The following SLC17A7 variants were observed in gnomAD, a reference collection of about 807,000 sequenced individuals.
The protein encoded by SLC17A7 is vesicular glutamate transporter 1.
In SLC17A7, 15 loss-of-function variants were observed where a neutral mutation model predicts 59.1. That is an observed-to-expected ratio of 0.25 (90% CI 0.17 to 0.39). The LOEUF (loss-of-function observed/expected upper bound fraction) is 0.39. SLC17A7 is among the 10% of genes least tolerant of loss of function. The probability of loss-of-function intolerance (pLI) is 1.00; values close to 1 mark genes in which losing one functional copy is unlikely to be tolerated. For missense variants in SLC17A7, 499 were observed against 765.1 expected (o/e 0.65, Z 4.10); for synonymous variants, 353 against 308.9 (o/e 1.14, Z -1.50).
intron 5 of SLC17A7, 67 bp downstream of exon 5, chr19:49,434,530 CTCAGA>C: frequency 8.3e-6 from 12 of 1,439,106 alleles, no homozygotes; most frequent in South Asian, 1.3e-5. Context: ...CCCCTCCCCG[CTCAGA>C]CCCAACAGTC....
At chr19:49,438,494 G>A (rs573463390) in intron 1 of SLC17A7, among the ~76,000 whole-genome samples, 3 of 152,138 alleles carry the variant, frequency 2.0e-5, no homozygotes, top group East Asian at 1.9e-4. Context: ...ACAGCCAGAC[G>A]GTCCAGGGGG....
chr19:49,438,791 C>T (rs1163892225), intron 1 of SLC17A7, among the ~76,000 whole-genome samples: 1 of 152,048 alleles, frequency 6.6e-6, no homozygotes, highest in Non-Finnish European at 1.5e-5. Context: ...GATATTTGAC[C>T]CTGAAACTCA....
At position 49,441,337 on chromosome 19, in the gene SLC17A7, C is replaced by T; in HGVS notation, c.43G>A (p.Ala15Thr). ...GCTCACCGGTGCAGCTTCCCGAGAG[C>T]ACGACCCGCTAGCTTCCGAAACTCC... ...QEEFRKLAGRALGKLHRLLEK... is the reference protein window; with the variant it reads ...QEEFRKLAGRTLGKLHRLLEK... The change falls in exon 1 of 12, where the codon GCT (alanine) becomes ACT (threonine). Residue 15 changes from alanine to threonine, a missense_variant. Ala to Thr is a moderately conservative substitution (Grantham distance 58, BLOSUM62 0). Around this residue, in one of 3 missense-constraint regions of SLC17A7, gnomAD observed 78 missense variants for 80.4 expected, o/e 0.97. Transcript: ENST00000221485. 5 of 1,609,960 alleles carry T rather than the reference C, an allele frequency of 3.1e-6. No individual in the cohort carries two copies. The highest frequency in any genetic ancestry group is 4.2e-6 in the Non-Finnish European group (5 of 1,178,976).
chr19:49,431,559 C>T lies in SLC17A7; in HGVS notation c.1151-111G>A, dbSNP rs1568633724. 2.4e-6 allele frequency: 2 copies of T among 831,926 alleles called. No individual in the cohort carries two copies. The highest frequency in any genetic ancestry group is 2.7e-5 in the East Asian group (1 of 37,560). The allele number at this position is 831,926 out of a possible 1,614,324, so 51.5% of individuals were successfully genotyped here. On this transcript the variant is annotated intron_variant, in intron 9 of 11. Transcript: ENST00000221485. This position sits in a 1 kb window ranked among gnomAD's most constrained non-coding sequence, Gnocchi z 4.6. ...CCAGCCCCAAACCGCGTCTATCCAC[C>T]CCAGTCTGGCCACCTCCACGCCCAG...
chr19:49,439,334 A>G (rs1600990319), intron 1 of SLC17A7, among the ~76,000 whole-genome samples: 1 of 152,084 alleles, frequency 6.6e-6, no homozygotes, highest in African/African-American at 2.4e-5. Context: ...CAAGAACAGC[A>G]ATGGGACCTG....
Position 49,431,092 on chromosome 19 carries a change from T to C in SLC17A7, c.1312A>G (p.Met438Val), listed in dbSNP as rs775630264. Residue 438 changes from methionine (M) to valine (V), a missense_variant, in exon 11 of 12, where the codon ATG (methionine) becomes GTG (valine). Physicochemically the swap from Met to Val is conservative, Grantham distance 21. This residue lies in a region of SLC17A7 where 323 missense variants were observed against 607.2 expected (regional missense o/e 0.53). Coordinates refer to ENST00000221485, the MANE Select transcript of SLC17A7 (RefSeq NM_020309.4). The surrounding 1 kb of genome is among the most constrained non-coding windows in gnomAD (Gnocchi z 4.6). ...DIAPRYASIL[M>V]GISNGVGTLS... ...GTGCCCACGCCGTTGGAGATGCCCA[T>C]GAGGATGCTGGCGTAGCGCGGGGCT... 1 of 1,613,904 alleles carries C rather than the reference T, an allele frequency of 6.2e-7. No individual in the cohort carries two copies. The highest frequency in any genetic ancestry group is 8.5e-7 in the Non-Finnish European group (1 of 1,179,992).
Position 49,430,704 on chromosome 19 carries a change from G to C in SLC17A7, c.1498C>G (p.Pro500Ala). The C allele has an allele frequency of 6.2e-7, 1 of 1,614,124 alleles. No homozygotes were observed. The highest frequency in any genetic ancestry group is 8.5e-7 in the Non-Finnish European group (1 of 1,180,016). ...ASGEKQPWAE[P>A]EEMSEEKCGF... ...CACTTCTCCTCGCTCATCTCCTCAG[G>C]CTCTGCCCACGGCTGCTTCTCTCCA... is the stretch of plus-strand genomic sequence containing the variant. Residue 500 changes from proline to alanine, a missense_variant, in exon 12 of 12, where the codon CCT (proline) becomes GCT (alanine). Transcript: ENST00000221485.
In SLC17A7 at chr19:49,429,612, T is replaced by G; in HGVS notation, c.*907A>C. Reference sequence around the variant, plus strand: ...GAGGGGAAGGATCCCAGATTTTGAGTCATTAAGCCCCTGAGGGACACAACA... The same window carrying G: ...GAGGGGAAGGATCCCAGATTTTGAGGCATTAAGCCCCTGAGGGACACAACA... On this transcript the variant is annotated 3_prime_UTR_variant, in exon 12 of 12. Coordinates refer to ENST00000221485, the MANE Select transcript of SLC17A7 (RefSeq NM_020309.4). 2.5e-6 allele frequency: 1 copy of G among 398,646 alleles called. No homozygotes were observed. Among genetic ancestry groups the G allele is most frequent in the Non-Finnish European group, 4.4e-6 (1 of 225,978 alleles). The allele number at this position is 398,646 out of a possible 1,614,324, so 24.7% of individuals were successfully genotyped here. A position where few individuals can be genotyped will look rare whatever the true frequency, so the allele number is the denominator to read the frequency against.
intron 11 of SLC17A7, 92 bp downstream of exon 11, chr19:49,430,923 G>A: frequency 1.3e-6 from 2 of 1,552,850 alleles, no homozygotes; most frequent in Non-Finnish European, 1.7e-6. Flanking sequence ...TGAAAAGGCA[G>A]GGATGGCACC....
At position 49,434,063 on chromosome 19, in the gene SLC17A7, G is replaced by T; in HGVS notation, c.638-17C>A. 1.3e-6 allele frequency: 2 copies of T among 1,564,356 alleles called. No homozygotes were observed. Among genetic ancestry groups the T allele is most frequent in the Non-Finnish European group, 8.8e-7 (1 of 1,135,250 alleles). ...CATAGGAACCTAAGGGGGAGGATGCGGGGGAGAGAACAGGCCCATCTTCCC... is the reference window on the plus strand; with the variant it reads ...CATAGGAACCTAAGGGGGAGGATGCTGGGGAGAGAACAGGCCCATCTTCCC... On this transcript the variant is annotated splice_polypyrimidine_tract_variant and intron_variant, in intron 5 of 11. Coordinates refer to ENST00000221485, the MANE Select transcript of SLC17A7 (RefSeq NM_020309.4).
chr19:49,434,978 G>A lies in SLC17A7; in HGVS notation c.435-96C>T, dbSNP rs900689591. 93 of 1,241,728 alleles carry A rather than the reference G, an allele frequency of 7.5e-5. 1 individual carries two copies. Among genetic ancestry groups the A allele is most frequent in the Non-Finnish European group, 6.1e-5 (52 of 851,030 alleles). 76.9% of individuals were successfully genotyped at this position (1,241,728 alleles called of 1,614,324 possible). On this transcript the variant is annotated intron_variant, in intron 3 of 11. Coordinates refer to ENST00000221485, the MANE Select transcript of SLC17A7 (RefSeq NM_020309.4). ...CAGCAAGCTAGGCCCAGTGGTCCCC[G>A]GGACCCCAGGTCCCACCACCTCTCT...
rs1568634630 is a variant in SLC17A7, at chr19:49,433,882, G to A, written c.725-14C>T. ...TCCCGAAGCTGCCTGGGGGGGTCAG[G>A]AGGGGGATGGGAGCGAGGTGAGGAC... On this transcript the variant is annotated splice_polypyrimidine_tract_variant and intron_variant, in intron 6 of 11. Coordinates refer to ENST00000221485, the MANE Select transcript of SLC17A7 (RefSeq NM_020309.4). This position sits in a 1 kb window ranked among gnomAD's most constrained non-coding sequence, Gnocchi z 5.7. The A allele has an allele frequency of 6.2e-7, 1 of 1,611,508 alleles. No homozygotes were observed. Among genetic ancestry groups the A allele is most frequent in the East Asian group, 2.2e-5 (1 of 44,808 alleles).
In SLC17A7 at chr19:49,436,727, G is replaced by C. The variant is rs200281828; in HGVS notation, c.137C>G (p.Thr46Ser). Residue 46 changes from threonine (T) to serine (S), a missense_variant, in exon 2 of 12, where the codon ACC becomes AGC. Physicochemically the swap from Thr to Ser is moderately conservative, Grantham distance 58 (BLOSUM62 1). Coordinates refer to ENST00000221485, the MANE Select transcript of SLC17A7 (RefSeq NM_020309.4). This position sits in a 1 kb window ranked among gnomAD's most constrained non-coding sequence, Gnocchi z 4.1. Reference sequence around the variant, plus strand: ...GCAGTCCACCACCGGCGGGTCCCGGGTCTGCGTGGTCACCGGGCGCCCATC... The same window carrying C: ...GCAGTCCACCACCGGCGGGTCCCGGCTCTGCGTGGTCACCGGGCGCCCATC... ...SADGRPVTTQTRDPPVVDCTC... is the reference protein window; with the variant it reads ...SADGRPVTTQSRDPPVVDCTC... 3.1e-6 allele frequency: 5 copies of C among 1,611,556 alleles called. No homozygotes were observed. In the East Asian group the frequency reaches 6.7e-5, roughly 22 times the overall value.
intron 1 of SLC17A7, among the ~76,000 whole-genome samples, chr19:49,439,657 T>C (rs1487203512): frequency 6.6e-6 from 1 of 152,198 alleles, no homozygotes; most frequent in Non-Finnish European, 1.5e-5. Context: ...CTGTTGTCTC[T>C]AATATGGGGT....
chr19:49,430,358 A>C lies in SLC17A7; in HGVS notation c.*161T>G. On this transcript the variant is annotated 3_prime_UTR_variant, in exon 12 of 12. Transcript: ENST00000221485. The stretch of plus-strand genomic sequence containing the variant: ...GCAGCTTCACTACCCCTGAGAGGCA[A>C]TTGGGAAGGAAAGAGGATTTGACAG... 3 of 550,880 alleles carry C rather than the reference A, an allele frequency of 5.4e-6. No homozygotes were observed. The highest frequency in any genetic ancestry group is 3.2e-5 in the East Asian group (1 of 31,120). The allele number at this position is 550,880 out of a possible 1,614,324, so 34.1% of individuals were successfully genotyped here.
intron 1 of SLC17A7, chr19:49,437,191 A>C: frequency 1.2e-5 from 3 of 245,654 alleles, no homozygotes; most frequent in Non-Finnish European, 1.6e-5. Context: ...GAGGAAGCAA[A>C]AGGTGCTAAG....
chr19:49,434,316 A>G (rs1179949155), intron 5 of SLC17A7, among the ~76,000 whole-genome samples: 1 of 139,576 alleles, frequency 7.2e-6, no homozygotes, highest in Non-Finnish European at 1.5e-5. Flanking sequence ...TCTCAGACAC[A>G]GGAGTGCAGG....
intron 1 of SLC17A7, among the ~76,000 whole-genome samples, chr19:49,438,506 G>T (rs540388499): frequency 6.6e-6 from 1 of 152,168 alleles, no homozygotes; most frequent in South Asian, 2.1e-4. Context: ...TCCAGGGGGA[G>T]GGAGGTGGAA....
At chr19:49,435,409 G>A (rs2078976344) in intron 2 of SLC17A7, 123 bp from the exon 3 acceptor site, 2 of 687,622 alleles carry the variant, frequency 2.9e-6, no homozygotes, top group African/African-American at 1.8e-5. Context: ...ACCTCCAAAA[G>A]CCTGCCAATC....
Sources: allele counts gnomAD v4.1 joint callset (sites outside exome capture counted in the v4.1 genomes callset), GRCh38; gene constraint gnomAD v4.1.1; regional missense constraint gnomAD v4.1.1; non-coding constraint Gnocchi (gnomAD v3.1); transcripts MANE v1.5; gene names NCBI Gene and HGNC (gene_info 2026-07-23, HGNC 2026-07-21).